Variants in PNPLA1 observed in about 807,000 individuals in gnomAD.
PNPLA1 encodes the protein omega-hydroxyceramide transacylase.
PNPLA1 carries 36 observed loss-of-function variants against 51.7 expected under a neutral mutation model. The ratio of observed to expected loss-of-function variants is 0.70; its 90% CI spans 0.53 to 0.92. The LOEUF is 0.92. Among genes scored for constraint, PNPLA1 ranks in the 40% least tolerant of loss-of-function variants. The probability of loss-of-function intolerance (pLI) is 0.00; values close to 1 mark genes in which losing one functional copy is unlikely to be tolerated. For synonymous variants in PNPLA1, 293 were observed against 280.1 expected (o/e 1.05, Z -0.46); for missense variants, 658 against 682.5 (o/e 0.96, Z 0.40).
chr6:36,285,748 G>C (rs936272920), intron 1 of PNPLA1, among the ~76,000 whole-genome samples: 1 of 152,188 alleles, frequency 6.6e-6, no homozygotes, highest in Non-Finnish European at 1.5e-5. Flanking sequence ...CTCGTGAAGA[G>C]GGGAACATTA....
At position 36,294,887 on chromosome 6, in the gene PNPLA1, C is replaced by A. The variant is rs1253298970; in HGVS notation, c.715-477C>A. On this transcript the variant is annotated intron_variant, in intron 4 of 8. Coordinates refer to ENST00000636260, the MANE Select transcript of PNPLA1 (RefSeq NM_001374623.1). The surrounding 1 kb of genome is among the most constrained non-coding windows in gnomAD (Gnocchi z 4.2). ...CAAAATAAGTATTTACTATCTGGCC[C>A]TTTACAGAAAAGGCTTTGTGGGCAG... Among the ~76,000 whole-genome samples the A allele has an allele frequency of 6.6e-6, 1 of 152,246 alleles. No homozygotes were observed. Among genetic ancestry groups the A allele is most frequent in the Non-Finnish European group, 1.5e-5 (1 of 68,048 alleles).
chr6:36,244,419 T>TA (rs1769219586), intron 1 of PNPLA1, among the ~76,000 whole-genome samples: 1 of 152,074 alleles, frequency 6.6e-6, no homozygotes. Context: ...TTTTTTTTTT[T>TA]AACTTAGTAT....
intron 1 of PNPLA1, among the ~76,000 whole-genome samples, chr6:36,243,454 G>A (rs12201721): frequency 3.9e-5 from 6 of 152,230 alleles, no homozygotes; most frequent in Admixed American, 6.5e-5. Flanking sequence ...TACTGCCTGA[G>A]AGGTGGCAAG....
intron 1 of PNPLA1, among the ~76,000 whole-genome samples, chr6:36,273,593 G>A (rs1366369382): frequency 6.6e-6 from 1 of 151,712 alleles, no homozygotes; most frequent in Non-Finnish European, 1.5e-5. Flanking sequence ...CTGTCTTTAT[G>A]TCATCTTAAA....
In PNPLA1 at chr6:36,312,705, G is replaced by A. The variant is rs986252909; in HGVS notation, c.*819G>A. ...AGGGGCAACACCTATTCCCAGCCCC[G>A]ATGGTGCACAAGATCTGTTTCCCTT... On this transcript the variant is annotated 3_prime_UTR_variant, in exon 9 of 9. Transcript: ENST00000636260. 2.6e-5 allele frequency among the ~76,000 whole-genome samples: 4 copies of A among 152,162 alleles called. No individual in the cohort carries two copies. The highest frequency in any genetic ancestry group is 6.5e-5 in the Admixed American group (1 of 15,280).
At chr6:36,260,610 A>G (rs999536352) in intron 1 of PNPLA1, among the ~76,000 whole-genome samples, 2 of 152,022 alleles carry the variant, frequency 1.3e-5, no homozygotes, top group Admixed American at 6.6e-5. Flanking sequence ...TCTCATTCAG[A>G]GGTAGTTTAT....
In PNPLA1 at chr6:36,270,437, G is replaced by C. The variant is rs1245867344; in HGVS notation, c.-23G>C. On this transcript the variant is annotated 5_prime_UTR_variant, in exon 1 of 9. Coordinates refer to ENST00000636260, the MANE Select transcript of PNPLA1 (RefSeq NM_001374623.1). ...GTGCTGAAGGGTGGCTCCGCCTTCC[G>C]CAGAAAGTCAGAGGCCGAGGAGATG... 3.9e-6 allele frequency: 6 copies of C among 1,550,044 alleles called. No individual in the cohort carries two copies. The highest frequency in any genetic ancestry group is 5.2e-6 in the Non-Finnish European group (6 of 1,146,434).
intron 5 of PNPLA1, among the ~76,000 whole-genome samples, chr6:36,299,335 G>GTTTTTTTTTT (rs767505825): frequency 3.4e-5 from 2 of 58,772 alleles, no homozygotes; most frequent in African/African-American, 8.7e-5. Context: ...TTTTTTGTCT[G>GTTTTTTTTTT]TTTTTTTTTT....
chr6:36,248,465 C>T (rs1284971371), intron 1 of PNPLA1, among the ~76,000 whole-genome samples: 4 of 152,110 alleles, frequency 2.6e-5, no homozygotes, highest in Admixed American at 6.5e-5. Context: ...CTGCTTCACT[C>T]GGGCTCGTGC....
In PNPLA1 at chr6:36,288,500, C is replaced by T. The variant is rs374006861; in HGVS notation, c.206-2820C>T. Among the ~76,000 whole-genome samples, 15 of 145,996 alleles carry T rather than the reference C, an allele frequency of 1.0e-4. No homozygotes were observed. In the East Asian group the frequency reaches 2.8e-3, roughly 28 times the overall value. The stretch of plus-strand genomic sequence containing the variant: ...TCGCTCTGTCGCCCAGGCCGGACTG[C>T]GGACTGCAGTGGCGCAATCTCGGCT... On this transcript the variant is annotated intron_variant, in intron 1 of 8. Coordinates refer to ENST00000636260, the MANE Select transcript of PNPLA1 (RefSeq NM_001374623.1).
intron 1 of PNPLA1, among the ~76,000 whole-genome samples, chr6:36,259,853 G>A (rs1769610160): frequency 6.6e-6 from 1 of 152,108 alleles, no homozygotes; most frequent in Non-Finnish European, 1.5e-5. Flanking sequence ...AGGAGGGCAA[G>A]AGTTCAAAAA....
At chr6:36,258,795 T>C (rs1000472450) in intron 1 of PNPLA1, among the ~76,000 whole-genome samples, 2 of 152,242 alleles carry the variant, frequency 1.3e-5, no homozygotes, top group African/African-American at 2.4e-5. Flanking sequence ...CAGAATCCAA[T>C]AAAACTTGCT....
At chr6:36,287,351 A>T (rs1298882576) in intron 1 of PNPLA1, among the ~76,000 whole-genome samples, 1 of 152,042 alleles carries the variant, frequency 6.6e-6, no homozygotes, top group Admixed American at 6.5e-5. Flanking sequence ...ACCCTCAGAG[A>T]ATCCCCTCCT....
chr6:36,302,259 C>G lies in PNPLA1; in HGVS notation c.1174C>G (p.Pro392Ala), dbSNP rs1368413947. 2.5e-6 allele frequency: 4 copies of G among 1,614,080 alleles called. No homozygotes were observed. The African/African-American group carries it at 5.3e-5, about 22-fold the overall frequency. Reference sequence around the variant, plus strand: ...CACACCTGGTTCATCACTGCCCACCCCACCACCTGGACTGTCACCTCTGTC... The same window carrying G: ...CACACCTGGTTCATCACTGCCCACCGCACCACCTGGACTGTCACCTCTGTC... ...SSTPGSSLPT[P>A]PPGLSPLSPQ... Residue 392 changes from proline (P) to alanine (A), a missense_variant, in exon 6 of 9, where the codon CCA (proline) becomes GCA (alanine). Physicochemically the swap from Pro to Ala is conservative, Grantham distance 27. Transcript: ENST00000636260.
chr6:36,293,129 G>A lies in PNPLA1; in HGVS notation c.504+3G>A, dbSNP rs2127345821. The A allele has an allele frequency of 6.2e-7, 1 of 1,613,780 alleles. No homozygotes were observed. Among genetic ancestry groups the A allele is most frequent in the Non-Finnish European group, 8.5e-7 (1 of 1,179,692 alleles). On this transcript the variant is annotated splice_donor_region_variant and intron_variant, in intron 3 of 8. Transcript: ENST00000636260. ...TCCCCCCGACTTACCGCGGTGTGGT[G>A]AGTGCTTCGGCATGGTGAGGGGTGA...
chr6:36,250,180 G>A (rs373646680), intron 1 of PNPLA1, among the ~76,000 whole-genome samples: 5 of 152,308 alleles, frequency 3.3e-5, no homozygotes, highest in African/African-American at 1.2e-4. Context: ...TGCTTTGGCT[G>A]TGAGATGCGA....
chr6:36,283,124 T>C (rs1012015990), intron 1 of PNPLA1, among the ~76,000 whole-genome samples: 7 of 152,326 alleles, frequency 4.6e-5, no homozygotes, highest in South Asian at 2.1e-4. Context: ...TACATAACCA[T>C]GGTCCATTTG....
intron 1 of PNPLA1, among the ~76,000 whole-genome samples, chr6:36,281,486 C>A (rs1278827024): frequency 6.6e-6 from 1 of 152,118 alleles, no homozygotes; most frequent in Non-Finnish European, 1.5e-5. Flanking sequence ...TACTCTAATC[C>A]CCTCACAACC....
intron 1 of PNPLA1, among the ~76,000 whole-genome samples, chr6:36,286,924 G>A (rs1330762314): frequency 3.3e-5 from 5 of 151,730 alleles, no homozygotes; most frequent in Admixed American, 2.0e-4. Flanking sequence ...GGGCTCAAGC[G>A]ATCCTCCCAT....
Sources: gnomAD v4.1 joint callset for allele counts (sites outside exome capture counted in the v4.1 genomes callset) on GRCh38, gnomAD v4.1.1 for gene constraint, Gnocchi (gnomAD v3.1) non-coding constraint, MANE v1.5 for transcripts, NCBI Gene and HGNC (gene_info 2026-07-23, HGNC 2026-07-21) for gene names.